Variants in PROSER2 observed in about 807,000 individuals in gnomAD.
The protein encoded by PROSER2 is proline and serine rich 2, also known as proline and serine-rich protein 2.
A neutral mutation model predicts 14.6 loss-of-function variants in PROSER2; 18 were observed. That is an observed-to-expected ratio of 1.23 (90% CI 0.85 to 1.83). PROSER2 has a LOEUF of 1.83. Ranked by LOEUF, PROSER2 falls within the 40% of genes most tolerant of loss-of-function variation. PROSER2 has a pLI of 0.00. For missense variants in PROSER2, 823 were observed against 629.8 expected (o/e 1.31, Z -3.28); for synonymous variants, 367 against 286.4 (o/e 1.28, Z -2.84).
chr10:11,853,065 G>A (rs976808869), intron 2 of PROSER2, among the ~76,000 whole-genome samples: 7 of 152,280 alleles, frequency 4.6e-5, no homozygotes, highest in African/African-American at 1.7e-4. Flanking sequence ...GAGCACAGGA[G>A]AGAAATGGTC....
chr10:11,859,447 T>A (rs1468520852), intron 2 of PROSER2, among the ~76,000 whole-genome samples: 2 of 152,024 alleles, frequency 1.3e-5, no homozygotes, highest in African/African-American at 2.4e-5. Context: ...ACAAAAAAAA[T>A]TTGTGAGAAG....
intron 1 of PROSER2, among the ~76,000 whole-genome samples, chr10:11,842,287 T>G (rs759418385): frequency 6.6e-6 from 1 of 152,188 alleles, no homozygotes; most frequent in Non-Finnish European, 1.5e-5. Context: ...TTAAATGTAA[T>G]TATGCAAATA....
In PROSER2 at chr10:11,871,192, A is replaced by ACTT. The variant is rs1351092368; in HGVS notation, c.*789_*791dup. ...ATGCATCATTATTATATAAATAGAA[A>ACTT]CTTCTGAACACCCTCCTAAGTCACT... On this transcript the variant is annotated 3_prime_UTR_variant, in exon 4 of 4. Coordinates refer to ENST00000277570, the MANE Select transcript of PROSER2 (RefSeq NM_153256.4). The ACTT allele has an allele frequency of 2.0e-5, 3 of 152,068 alleles. No individual in the cohort carries two copies. The highest frequency in any genetic ancestry group is 7.2e-5 in the African/African-American group (3 of 41,398). 9.4% of individuals were successfully genotyped at this position (152,068 alleles called of 1,614,324 possible).
intron 2 of PROSER2, among the ~76,000 whole-genome samples, chr10:11,861,572 G>A (rs746781645): frequency 3.3e-5 from 5 of 152,148 alleles, no homozygotes; most frequent in Non-Finnish European, 5.9e-5. Context: ...GATGGGCGTC[G>A]CTGCCTTAGA....
Position 11,841,885 on chromosome 10 carries a change from A to G in PROSER2, c.-81-10112A>G, listed in dbSNP as rs543510894. Among the ~76,000 whole-genome samples, 11 of 152,290 alleles carry G rather than the reference A, an allele frequency of 7.2e-5. No individual in the cohort carries two copies. In the South Asian group the frequency reaches 1.5e-3, roughly 20 times the overall value. ...TGTGTTGTAAATCTTGATGAGATCA[A>G]ACTTCCCATTATATTGTTTAAGTCT... is the stretch of plus-strand genomic sequence containing the variant. On this transcript the variant is annotated intron_variant, in intron 1 of 3. Transcript: ENST00000277570.
Position 11,842,931 on chromosome 10 carries a change from C to CTTTTTTTTTTTTTTTTTTT in PROSER2, c.-81-9057_-81-9039dup, listed in dbSNP as rs558283551. 1.8e-3 allele frequency among the ~76,000 whole-genome samples: 93 copies of CTTTTTTTTTTTTTTTTTTT among 51,950 alleles called. 13 individuals carry two copies. The highest frequency in any genetic ancestry group is 2.6e-3 in the Non-Finnish European group (69 of 27,012). The allele number at this position is 51,950 out of a possible 152,430, so 34.1% of individuals were successfully genotyped here. On this transcript the variant is annotated intron_variant, in intron 1 of 3. Transcript: ENST00000277570. ...TTTTCTATACTATTTTGCCATTGTTCTTTTTTTTTTTTTTTTTTTTTTTTT... is the reference window on the plus strand; with the variant it reads ...TTTTCTATACTATTTTGCCATTGTTCTTTTTTTTTTTTTTTTTTTTTTTTTTTTTTTTTTTTTTTTTTTT...
chr10:11,841,627 T>C (rs1833847386), intron 1 of PROSER2, among the ~76,000 whole-genome samples: 1 of 152,222 alleles, frequency 6.6e-6, no homozygotes, highest in Non-Finnish European at 1.5e-5. Context: ...TTCCCAATAT[T>C]GTTTCTGAGA....
Position 11,869,339 on chromosome 10 carries a change from G to A in PROSER2, c.392-151G>A. The A allele has an allele frequency of 1.6e-6, 1 of 635,576 alleles. No individual in the cohort carries two copies. Among genetic ancestry groups the A allele is most frequent in the East Asian group, 2.7e-5 (1 of 36,854 alleles). The allele number at this position is 635,576 out of a possible 1,614,324, so 39.4% of individuals were successfully genotyped here. A position where few individuals can be genotyped will look rare whatever the true frequency, so the allele number is the denominator to read the frequency against. ...ACCACCTTCTCCTTCCCTAGTCCCA[G>A]GAACAGGGAGAGAGGAGTTGACTCA... is the stretch of plus-strand genomic sequence containing the variant. On this transcript the variant is annotated intron_variant, in intron 3 of 3. Transcript: ENST00000277570. This position sits in a 1 kb window ranked among gnomAD's most constrained non-coding sequence, Gnocchi z 4.4.
chr10:11,852,130 C>T lies in PROSER2; in HGVS notation c.53C>T (p.Ser18Phe), dbSNP rs1036632756. 3.1e-6 allele frequency: 5 copies of T among 1,613,642 alleles called. No homozygotes were observed. The highest frequency in any genetic ancestry group is 1.7e-5 in the Admixed American group (1 of 59,962). ...SDASDMNSDT[S>F]PSCRLRAFSR... ...GCATCTGACATGAACTCAGACACGT[C>T]CCCCAGCTGCAGGCTCCGAGCCTTC... is the stretch of plus-strand genomic sequence containing the variant. The change falls in exon 2 of 4, where the codon TCC becomes TTC. Residue 18 changes from serine to phenylalanine, a missense_variant. Physicochemically the swap from Ser to Phe is radical, Grantham distance 155. Transcript: ENST00000277570.
Position 11,866,849 on chromosome 10 carries a change from T to A in PROSER2, c.391+66T>A. The A allele has an allele frequency of 1.3e-6, 2 of 1,530,248 alleles. No homozygotes were observed. Among genetic ancestry groups the A allele is most frequent in the Non-Finnish European group, 1.8e-6 (2 of 1,140,726 alleles). The allele number at this position is 1,530,248 out of a possible 1,614,324, so 94.8% of individuals were successfully genotyped here. A position where few individuals can be genotyped will look rare whatever the true frequency, so the allele number is the denominator to read the frequency against. ...GGTGTCTGTGAGACCCAGAGATACTTCTTTTGTGTTCCCCTGTGTTTGCCA... is the reference window on the plus strand; with the variant it reads ...GGTGTCTGTGAGACCCAGAGATACTACTTTTGTGTTCCCCTGTGTTTGCCA... On this transcript the variant is annotated intron_variant, in intron 3 of 3. Coordinates refer to ENST00000277570, the MANE Select transcript of PROSER2 (RefSeq NM_153256.4). The surrounding 1 kb of genome is among the most constrained non-coding windows in gnomAD (Gnocchi z 6.0).
chr10:11,870,159 G>C lies in PROSER2; in HGVS notation c.1061G>C (p.Ser354Thr). 3.4e-6 allele frequency: 5 copies of C among 1,467,050 alleles called. No homozygotes were observed. Among genetic ancestry groups the C allele is most frequent in the Non-Finnish European group, 4.5e-6 (5 of 1,116,494 alleles). 90.9% of individuals were successfully genotyped at this position (1,467,050 alleles called of 1,614,324 possible). The change falls in exon 4 of 4, where the codon AGC becomes ACC. Residue 354 changes from serine to threonine, a missense_variant. Transcript: ENST00000277570. ...CCAAGTGCGCACGAGGCCCTGAAGA[G>C]CGCACCCAGCTCCTTCGCGCCCGCT... ...GFPSAHEALK[S>T]APSSFAPAGK...
intron 3 of PROSER2, among the ~76,000 whole-genome samples, chr10:11,868,281 C>G (rs960077383): frequency 6.6e-6 from 1 of 152,314 alleles, no homozygotes; most frequent in African/African-American, 2.4e-5. Flanking sequence ...AACAATTTTT[C>G]TTTCATTTTT....
At chr10:11,826,086 C>T (rs1377961424) in intron 1 of PROSER2, among the ~76,000 whole-genome samples, 1 of 152,174 alleles carries the variant, frequency 6.6e-6, no homozygotes, top group Non-Finnish European at 1.5e-5. Context: ...TCTCGGTAGA[C>T]TTGCCCCTTC....
Position 11,865,976 on chromosome 10 carries a change from T to C in PROSER2, c.139-555T>C, listed in dbSNP as rs933144146. On this transcript the variant is annotated intron_variant, in intron 2 of 3. Coordinates refer to ENST00000277570, the MANE Select transcript of PROSER2 (RefSeq NM_153256.4). This position sits in a 1 kb window ranked among gnomAD's most constrained non-coding sequence, Gnocchi z 4.2. ...GCTTTCCTGGGCCTTCTCAGTCAGT[T>C]TCCACCTGTCCTGCTCTCCGGCTGC... Among the ~76,000 whole-genome samples the C allele has an allele frequency of 3.9e-5, 6 of 152,158 alleles. No individual in the cohort carries two copies. Among genetic ancestry groups the C allele is most frequent in the African/African-American group, 1.4e-4 (6 of 41,426 alleles).
At chr10:11,825,158 A>G (rs1003306189) in intron 1 of PROSER2, among the ~76,000 whole-genome samples, 2 of 152,246 alleles carry the variant, frequency 1.3e-5, no homozygotes, top group Admixed American at 1.3e-4. Flanking sequence ...TTGGAAGATC[A>G]TCTCAGATAA....
At position 11,870,587 on chromosome 10, in the gene PROSER2, G is replaced by C. The variant is rs1834467319; in HGVS notation, c.*181G>C. On this transcript the variant is annotated 3_prime_UTR_variant, in exon 4 of 4. Transcript: ENST00000277570. ...CCTCCTGGCTGAGCACGCACCGCAA[G>C]CTCCAGCCACCGGCACAGAGAACTC... is the stretch of plus-strand genomic sequence containing the variant. 1 of 493,274 alleles carries C rather than the reference G, an allele frequency of 2.0e-6. No individual in the cohort carries two copies. Among genetic ancestry groups the C allele is most frequent in the Non-Finnish European group, 3.6e-6 (1 of 278,478 alleles). 30.6% of individuals were successfully genotyped at this position (493,274 alleles called of 1,614,324 possible). A position where few individuals can be genotyped will look rare whatever the true frequency, so the allele number is the denominator to read the frequency against.
At chr10:11,824,270 G>A (rs1024525612) in intron 1 of PROSER2, among the ~76,000 whole-genome samples, 1 of 152,132 alleles carries the variant, frequency 6.6e-6, no homozygotes, top group Non-Finnish European at 1.5e-5. Context: ...CCTAAACAGA[G>A]TAAAACGTTC....
chr10:11,826,784 G>A (rs1247160507), intron 1 of PROSER2, among the ~76,000 whole-genome samples: 1 of 151,410 alleles, frequency 6.6e-6, no homozygotes, highest in African/African-American at 2.4e-5. Context: ...GTTTCGCCGT[G>A]TTAGCCAGGA....
In PROSER2 at chr10:11,869,422, G is replaced by C; in HGVS notation, c.392-68G>C. The C allele has an allele frequency of 8.2e-7, 1 of 1,223,038 alleles. No individual in the cohort carries two copies. Among genetic ancestry groups the C allele is most frequent in the African/African-American group, 1.5e-5 (1 of 67,272 alleles). 75.8% of individuals were successfully genotyped at this position (1,223,038 alleles called of 1,614,324 possible). A position where few individuals can be genotyped will look rare whatever the true frequency, so the allele number is the denominator to read the frequency against. On this transcript the variant is annotated intron_variant, in intron 3 of 3. Coordinates refer to ENST00000277570, the MANE Select transcript of PROSER2 (RefSeq NM_153256.4). This position sits in a 1 kb window ranked among gnomAD's most constrained non-coding sequence, Gnocchi z 4.4. ...AGGTTGAGGCTCTTTTCAGTTCAGC[G>C]AGAGGGAACTTCATGCATTTACTTT...
Sources: allele counts gnomAD v4.1 joint callset (sites outside exome capture counted in the v4.1 genomes callset), GRCh38; gene constraint gnomAD v4.1.1; non-coding constraint Gnocchi (gnomAD v3.1); transcripts MANE v1.5; gene names NCBI Gene and HGNC (gene_info 2026-07-23, HGNC 2026-07-21).